CEP290: variants seen among roughly 807,000 people sequenced by gnomAD.
The protein encoded by CEP290 is centrosomal protein of 290 kDa.
CEP290 carries 317 observed loss-of-function variants against 344.9 expected under a neutral mutation model. The observed-to-expected ratio is 0.92, with a 90% confidence interval of 0.84 to 1.01. The LOEUF (loss-of-function observed/expected upper bound fraction) is 1.01, where lower values mean the gene tolerates loss of function less well. Among genes scored for constraint, CEP290 ranks in the 50% least tolerant of loss-of-function variants. The pLI is 0.00. For missense variants in CEP290, 2,754 were observed against 2,761.4 expected (o/e 1.00, Z 0.06); for synonymous variants, 932 against 895.8 (o/e 1.04, Z -0.72).
intron 23 of CEP290, among the ~76,000 whole-genome samples, chr12:88,107,925 C>T (rs927738741): frequency 2.0e-5 from 3 of 150,558 alleles, no homozygotes; most frequent in Admixed American, 6.6e-5. Context: ...AAAAAGTATG[C>T]GAGGTAATAC....
intron 44 of CEP290, among the ~76,000 whole-genome samples, chr12:88,065,957 T>G (rs1034160319): frequency 2.6e-5 from 4 of 152,200 alleles, no homozygotes; most frequent in African/African-American, 9.6e-5. Context: ...AGAAGAATAA[T>G]CCGGTTAAAA....
intron 29 of CEP290, among the ~76,000 whole-genome samples, chr12:88,091,603 A>G (rs1478550827): frequency 6.6e-6 from 1 of 152,154 alleles, no homozygotes; most frequent in Admixed American, 6.5e-5. Context: ...GATTAACAAA[A>G]TATGATTAAA....
intron 11 of CEP290, 106 bp from the exon 12 acceptor site, chr12:88,126,544 T>C (rs921902930): frequency 2.6e-5 from 20 of 755,940 alleles, no homozygotes; most frequent in Non-Finnish European, 3.4e-5. Context: ...ATACAGAAAA[T>C]AAAAATTATT....
At chr12:88,130,236 C>A in intron 9 of CEP290, 32 bp downstream of exon 9, 1 of 1,558,980 alleles carries the variant, frequency 6.4e-7, no homozygotes, top group South Asian at 1.2e-5. Context: ...TTTTAGGAAC[C>A]ATTGCTCTGA....
At chr12:88,116,100 G>C (rs2039019838) in intron 18 of CEP290, 1 of 981,218 alleles carries the variant, frequency 1.0e-6, no homozygotes. Context: ...GTCTGAAGCT[G>C]TTGATAAGCC....
rs1427830904 is a variant in CEP290 at position 88,090,798 on chromosome 12, AT to A, written c.3502del (p.Ile1168PhefsTer2). 6.4e-7 allele frequency: 1 copy of A among 1,561,330 alleles called. No homozygotes were observed. Among genetic ancestry groups the A allele is most frequent in the South Asian group, 1.2e-5 (1 of 84,672 alleles). On this transcript the variant is annotated frameshift_variant, in exon 30 of 54. Coordinates refer to ENST00000552810, the MANE Select transcript of CEP290 (RefSeq NM_025114.4). LOFTEE classifies it high-confidence loss of function. Reference protein sequence around the residue: ...ISDIARRQVEILNAQQQSRDK... With the variant: ...ISDIARRQVEXLNAQQQSRDK... ...CCTAGATTGTTGTTGTGCATTCAAA[AT>A]TTCAACTTGTCTTCTGGCAATATCA... is the stretch of plus-strand genomic sequence containing the variant.
chr12:88,097,456 T>C (rs974031994), intron 26 of CEP290, among the ~76,000 whole-genome samples: 2 of 152,066 alleles, frequency 1.3e-5, no homozygotes, highest in Non-Finnish European at 2.9e-5. Flanking sequence ...CTGCCATAAC[T>C]GTTAAGTTTT....
At chr12:88,060,809 G>T (rs1313046841) in intron 47 of CEP290, 21 bp downstream of exon 47, 8 of 1,415,372 alleles carry the variant, frequency 5.7e-6, no homozygotes, top group East Asian at 5.5e-5. Context: ...CCCTAAAAAT[G>T]ATCACATTAA....
At chr12:88,074,225 C>CA (rs962128200) in intron 41 of CEP290, among the ~76,000 whole-genome samples, 4 of 147,066 alleles carry the variant, frequency 2.7e-5, no homozygotes, top group Admixed American at 6.8e-5. Flanking sequence ...AACTCCATCT[C>CA]AAAAAAAAAA....
intron 26 of CEP290, among the ~76,000 whole-genome samples, chr12:88,100,416 T>G (rs998242864): frequency 1.2e-4 from 19 of 152,194 alleles, no homozygotes; most frequent in African/African-American, 4.6e-4. Context: ...TCTATTCCAT[T>G]CTTCACACAT....
At chr12:88,070,758 T>C (rs1240436655) in intron 43 of CEP290, among the ~76,000 whole-genome samples, 2 of 152,124 alleles carry the variant, frequency 1.3e-5, no homozygotes, top group Non-Finnish European at 2.9e-5. Context: ...GGAAACAAAG[T>C]ATCAGAGAGA....
intron 17 of CEP290, 119 bp from the exon 18 acceptor site, chr12:88,117,264 A>C: frequency 1.8e-6 from 1 of 558,908 alleles, no homozygotes; most frequent in Non-Finnish European, 3.1e-6. Context: ...ATTGTTTCCA[A>C]AATCCCTCCA....
intron 43 of CEP290, among the ~76,000 whole-genome samples, chr12:88,070,638 T>A (rs2035301158): frequency 6.6e-6 from 1 of 151,922 alleles, no homozygotes; most frequent in South Asian, 2.1e-4. Context: ...TAAAAGTCGT[T>A]TTTTTCTTCC....
At position 88,104,613 on chromosome 12, in the gene CEP290, A is replaced by G. The variant is rs554311552; in HGVS notation, c.2818-1602T>C. Among the ~76,000 whole-genome samples the G allele has an allele frequency of 5.9e-5, 9 of 152,134 alleles. 1 individual carries two copies. Among genetic ancestry groups the G allele is most frequent in the African/African-American group, 2.2e-4 (9 of 41,560 alleles). On this transcript the variant is annotated intron_variant, in intron 25 of 53. Transcript: ENST00000552810. ...AAATAAAAAAAATGAAAAACAAATG[A>G]GCCTAACTATATATCAAATGTATAA... is the stretch of plus-strand genomic sequence containing the variant.
At chr12:88,063,839 A>G (rs935873777) in intron 45 of CEP290, 142 bp downstream of exon 45, 14 of 664,904 alleles carry the variant, frequency 2.1e-5, no homozygotes, top group Admixed American at 1.1e-4. Context: ...AATGCTAAAG[A>G]GCAAATGTAT....
intron 44 of CEP290, among the ~76,000 whole-genome samples, chr12:88,065,528 G>A (rs1004318783): frequency 1.1e-4 from 17 of 152,174 alleles, no homozygotes; most frequent in African/African-American, 4.1e-4. Flanking sequence ...TATAAGTGAA[G>A]GCATTAGACA....
At chr12:88,119,112 C>T (rs1341346640) in intron 15 of CEP290, among the ~76,000 whole-genome samples, 2 of 145,066 alleles carry the variant, frequency 1.4e-5, no homozygotes, top group African/African-American at 2.9e-5. Context: ...ATCTGATAGT[C>T]CAAGTTGATC....
chr12:88,133,714 T>C (rs983731870), intron 6 of CEP290, among the ~76,000 whole-genome samples: 1 of 152,138 alleles, frequency 6.6e-6, no homozygotes, highest in Non-Finnish European at 1.5e-5. Flanking sequence ...AGATATGACA[T>C]TTTTCAAAAT....
chr12:88,131,357 G>C, intron 6 of CEP290, 139 bp from the exon 7 acceptor site: 1 of 548,888 alleles, frequency 1.8e-6, no homozygotes, highest in Non-Finnish European at 3.1e-6. Flanking sequence ...TCTGCCTCCC[G>C]GTTCAAGCAA....
Sources: gnomAD v4.1 joint callset for allele counts (sites outside exome capture counted in the v4.1 genomes callset) on GRCh38, gnomAD v4.1.1 for gene constraint, MANE v1.5 for transcripts, NCBI Gene and HGNC (gene_info 2026-07-23, HGNC 2026-07-21) for gene names.